Variants in TMEM266 observed in about 807,000 individuals in gnomAD.
TMEM266 encodes transmembrane protein 266.
A neutral mutation model predicts 50.5 loss-of-function variants in TMEM266; 33 were observed. The ratio of observed to expected loss-of-function variants is 0.65; its 90% CI spans 0.50 to 0.87. The LOEUF (loss-of-function observed/expected upper bound fraction) is 0.87. Among genes scored for constraint, TMEM266 ranks in the 40% least tolerant of loss-of-function variants. The pLI is 0.00. For missense variants in TMEM266, 655 were observed against 695.1 expected, an observed-to-expected ratio of 0.94 and a Z score of 0.65; for synonymous variants, 310 against 292.3, an observed-to-expected ratio of 1.06 and a Z score of -0.62.
chr15:76,203,083 G>A (rs991936351), intron 10 of TMEM266, among the ~76,000 whole-genome samples: 11 of 151,940 alleles, frequency 7.2e-5, no homozygotes, highest in Non-Finnish European at 1.2e-4. Flanking sequence ...TCAGCCCCGT[G>A]GTACATCTCA....
intron 10 of TMEM266, among the ~76,000 whole-genome samples, chr15:76,203,351 T>TG (rs544224521): frequency 1.3e-5 from 2 of 152,304 alleles, no homozygotes; most frequent in South Asian, 4.1e-4. Context: ...GTAGGTTGGC[T>TG]GGGGGCTCTG....
At chr15:76,125,566 G>A (rs1006455846) in intron 1 of TMEM266, among the ~76,000 whole-genome samples, 1 of 151,510 alleles carries the variant, frequency 6.6e-6, no homozygotes, top group Non-Finnish European at 1.5e-5. Flanking sequence ...AAAAAAATGG[G>A]GCTGGGCATG....
intron 8 of TMEM266, among the ~76,000 whole-genome samples, chr15:76,187,883 A>G (rs1277229867): frequency 6.6e-6 from 1 of 152,168 alleles, no homozygotes; most frequent in Non-Finnish European, 1.5e-5. Flanking sequence ...GTATTCAGCA[A>G]CGTTTATTGA....
intron 8 of TMEM266, among the ~76,000 whole-genome samples, chr15:76,189,462 G>C (rs2038535888): frequency 6.6e-6 from 1 of 152,136 alleles, no homozygotes; most frequent in Non-Finnish European, 1.5e-5. Context: ...TGAATTGCGG[G>C]GAAATGAAGA....
chr15:76,087,211 G>A (rs2036789937), intron 1 of TMEM266, among the ~76,000 whole-genome samples: 1 of 152,092 alleles, frequency 6.6e-6, no homozygotes. Context: ...GTGTGGAGAA[G>A]GCTGAAAGAG....
At chr15:76,166,979 G>C (rs1465093794) in intron 5 of TMEM266, among the ~76,000 whole-genome samples, 1 of 152,166 alleles carries the variant, frequency 6.6e-6, no homozygotes, top group Non-Finnish European at 1.5e-5. Context: ...GGAGAAGAAG[G>C]GGGAGGAAGA....
Position 76,153,657 on chromosome 15 carries a change from C to T in TMEM266, c.228-2947C>T, listed in dbSNP as rs2037877704. Among the ~76,000 whole-genome samples, 1 of 151,720 alleles carries T rather than the reference C, an allele frequency of 6.6e-6. No individual in the cohort carries two copies. Among genetic ancestry groups the T allele is most frequent in the Non-Finnish European group, 1.5e-5 (1 of 67,948 alleles). ...GAACCGGCTTCCGGGGGCGCTGAGG[C>T]GGCTGGAGGCTGGGTGTGAACTTGG... On this transcript the variant is annotated intron_variant, in intron 3 of 10. Coordinates refer to ENST00000388942, the MANE Select transcript of TMEM266 (RefSeq NM_152335.3). This position sits in a 1 kb window ranked among gnomAD's most constrained non-coding sequence, Gnocchi z 4.2.
intron 8 of TMEM266, among the ~76,000 whole-genome samples, chr15:76,180,607 CTTTTTTTTTT>C (rs59287886): frequency 1.7e-3 from 106 of 63,188 alleles, no homozygotes; most frequent in Non-Finnish European, 2.4e-3. Flanking sequence ...TCATCTTAAG[CTTTTTTTTTT>C]TTTTTTTTTT....
rs2037998337 is a variant in TMEM266 at position 76,160,302 on chromosome 15, C to T, written c.456+134C>T. 1.1e-6 allele frequency: 1 copy of T among 900,918 alleles called. No homozygotes were observed. The allele number at this position is 900,918 out of a possible 1,614,324, so 55.8% of individuals were successfully genotyped here. A position where few individuals can be genotyped will look rare whatever the true frequency, so the allele number is the denominator to read the frequency against. ...CCTTGAGGCTGCTGGGAGGGAGACA[C>T]AATATAGATAGATGATCTCTGCGGG... On this transcript the variant is annotated intron_variant, in intron 5 of 10. Transcript: ENST00000388942. This position sits in a 1 kb window ranked among gnomAD's most constrained non-coding sequence, Gnocchi z 5.7.
chr15:76,199,842 T>C (rs1218403030), intron 9 of TMEM266, among the ~76,000 whole-genome samples: 1 of 135,034 alleles, frequency 7.4e-6, no homozygotes, highest in East Asian at 2.4e-4. Flanking sequence ...CAGGGAGGGG[T>C]AGAGAATGCA....
intron 1 of TMEM266, among the ~76,000 whole-genome samples, chr15:76,109,439 A>T (rs1863351958): frequency 6.6e-6 from 1 of 152,240 alleles, no homozygotes; most frequent in Admixed American, 6.5e-5. Context: ...CACAGCAGTG[A>T]TAATTAAACA....
intron 1 of TMEM266, chr15:76,113,944 G>A (rs2037211668): frequency 6.6e-6 from 1 of 152,096 alleles, no homozygotes; most frequent in Non-Finnish European, 1.5e-5. Flanking sequence ...TGTGCCTGAA[G>A]CAAGATGCCC....
chr15:76,173,258 G>T lies in TMEM266; in HGVS notation c.652+2127G>T, dbSNP rs142222440. Among the ~76,000 whole-genome samples the T allele has an allele frequency of 1.8e-3, 272 of 152,286 alleles. 2 individuals are homozygous for T. Among genetic ancestry groups the T allele is most frequent in the African/African-American group, 6.2e-3 (258 of 41,556 alleles). ...CCAGGAAACATCTGGAGGTGCAGAGGCTGTGGGTGGAAAGGAGACTTGGAG... is the reference window on the plus strand; with the variant it reads ...CCAGGAAACATCTGGAGGTGCAGAGTCTGTGGGTGGAAAGGAGACTTGGAG... On this transcript the variant is annotated intron_variant, in intron 7 of 10. Coordinates refer to ENST00000388942, the MANE Select transcript of TMEM266 (RefSeq NM_152335.3).
At chr15:76,063,985 G>T (rs1412618928) in intron 1 of TMEM266, among the ~76,000 whole-genome samples, 1 of 152,214 alleles carries the variant, frequency 6.6e-6, no homozygotes, top group African/African-American at 2.4e-5. Flanking sequence ...TCACCTGAGG[G>T]TTGGGATGTG....
chr15:76,180,321 T>A (rs1448455282), intron 8 of TMEM266, among the ~76,000 whole-genome samples: 1 of 152,172 alleles, frequency 6.6e-6, no homozygotes, highest in African/African-American at 2.4e-5. Flanking sequence ...TTTCTCAGAC[T>A]TTGTTTCTGA....
At chr15:76,106,707 A>C (rs1425612723) in intron 1 of TMEM266, among the ~76,000 whole-genome samples, 1 of 152,176 alleles carries the variant, frequency 6.6e-6, no homozygotes, top group Non-Finnish European at 1.5e-5. Context: ...TGGCTTCCCA[A>C]AGTGCTGGGA....
At chr15:76,115,921 C>A (rs1421016543) in intron 1 of TMEM266, among the ~76,000 whole-genome samples, 1 of 152,180 alleles carries the variant, frequency 6.6e-6, no homozygotes, top group African/African-American at 2.4e-5. Flanking sequence ...GAGGCAGTGA[C>A]AACAGTGATG....
At chr15:76,162,457 A>G (rs1179675660) in intron 5 of TMEM266, among the ~76,000 whole-genome samples, 1 of 152,192 alleles carries the variant, frequency 6.6e-6, no homozygotes, top group Admixed American at 6.5e-5. Flanking sequence ...ACAGCTTGGA[A>G]ACATGCGACC....
intron 3 of TMEM266, among the ~76,000 whole-genome samples, chr15:76,147,579 T>A (rs1165806844): frequency 1.3e-5 from 2 of 152,204 alleles, no homozygotes; most frequent in Non-Finnish European, 2.9e-5. Flanking sequence ...CCTCACTCCC[T>A]TGATATTTTT....
Sources: gnomAD v4.1 joint callset for allele counts (sites outside exome capture counted in the v4.1 genomes callset) on GRCh38, gnomAD v4.1.1 for gene constraint, Gnocchi (gnomAD v3.1) non-coding constraint, MANE v1.5 for transcripts, NCBI Gene and HGNC (gene_info 2026-07-23, HGNC 2026-07-21) for gene names.